Variants in AGPS observed in about 807,000 individuals in gnomAD.
AGPS encodes the protein alkyldihydroxyacetonephosphate synthase, peroxisomal.
A neutral mutation model predicts 90.7 loss-of-function variants in AGPS; 26 were observed. That is an observed-to-expected ratio of 0.29 (90% CI 0.21 to 0.40). The LOEUF is 0.40. Among genes scored for constraint, AGPS ranks in the 10% least tolerant of loss-of-function variants. The pLI, the probability that AGPS is intolerant of heterozygous loss-of-function variation, is 1.00. For missense variants in AGPS, 540 were observed against 816.1 expected (o/e 0.66, Z 4.12); for synonymous variants, 294 against 285.3 (o/e 1.03, Z -0.31).
At chr2:177,454,006 A>ATTTTTTTTTTTT in intron 8 of AGPS, among the ~76,000 whole-genome samples, 1 of 67,826 alleles carries the variant, frequency 1.5e-5, no homozygotes, top group Non-Finnish European at 4.1e-5. Flanking sequence ...TACTTTTAAG[A>ATTTTTTTTTTTT]TTTTCTTGTT....
At chr2:177,397,003 A>G (rs1188490087) in intron 1 of AGPS, among the ~76,000 whole-genome samples, 4 of 144,692 alleles carry the variant, frequency 2.8e-5, no homozygotes, top group Non-Finnish European at 6.0e-5. Flanking sequence ...AAGTGGCGCG[A>G]TCTCAGCTCA....
intron 1 of AGPS, among the ~76,000 whole-genome samples, chr2:177,420,052 T>C (rs930251496): frequency 1.1e-4 from 16 of 152,008 alleles, no homozygotes; most frequent in African/African-American, 3.4e-4. Context: ...TTATTGGTTG[T>C]AGCCCTCTGT....
chr2:177,430,208 C>G (rs1275279212), intron 2 of AGPS, among the ~76,000 whole-genome samples: 2 of 152,230 alleles, frequency 1.3e-5, no homozygotes, highest in Non-Finnish European at 2.9e-5. Flanking sequence ...CTTCAGGGAA[C>G]TCATCCATCT....
At chr2:177,461,107 G>A (rs528975069) in intron 8 of AGPS, among the ~76,000 whole-genome samples, 9 of 152,278 alleles carry the variant, frequency 5.9e-5, no homozygotes, top group Admixed American at 4.6e-4. Context: ...ACAGATTGAT[G>A]GGCTTGAGTG....
intron 1 of AGPS, chr2:177,393,643 G>T: frequency 1.1e-6 from 1 of 896,440 alleles, no homozygotes; most frequent in Non-Finnish European, 1.3e-6. Flanking sequence ...TTAAGGTGTG[G>T]TGGTATAGCT....
intron 10 of AGPS, among the ~76,000 whole-genome samples, chr2:177,475,473 C>A (rs1010294010): frequency 2.6e-5 from 4 of 152,200 alleles, no homozygotes; most frequent in African/African-American, 9.7e-5. Context: ...CCCCAGCAAT[C>A]CTGCCCCAAG....
chr2:177,503,676 A>T (rs551678535), intron 14 of AGPS, among the ~76,000 whole-genome samples: 2 of 152,178 alleles, frequency 1.3e-5, no homozygotes, highest in Non-Finnish European at 2.9e-5. Context: ...ATTCTTTAAT[A>T]TATTGTATTT....
At chr2:177,484,978 GGCTGGTCTTGAACTCCTGGACTCAA>G (rs1282117855) in intron 11 of AGPS, among the ~76,000 whole-genome samples, 1 of 152,030 alleles carries the variant, frequency 6.6e-6, no homozygotes, top group Non-Finnish European at 1.5e-5. Flanking sequence ...GTGTTCCCCA[GGCTGGTCTTGAACTCCTGGACTCAA>G]GCGATCCTCC....
intron 19 of AGPS, among the ~76,000 whole-genome samples, chr2:177,528,849 C>CTTTTTTTTTTTTTT (rs71008000): frequency 1.3e-5 from 1 of 79,142 alleles, no homozygotes; most frequent in African/African-American, 5.0e-5. Flanking sequence ...CATATTAATC[C>CTTTTTTTTTTTTTT]TTTTTTTTTT....
chr2:177,454,658 C>A (rs1358527622), intron 8 of AGPS, among the ~76,000 whole-genome samples: 1 of 150,356 alleles, frequency 6.7e-6, no homozygotes, highest in Non-Finnish European at 1.5e-5. Flanking sequence ...TAGATGGTAG[C>A]CATTGTGAAT....
chr2:177,527,592 A>G (rs984383957), intron 19 of AGPS, among the ~76,000 whole-genome samples: 2 of 151,804 alleles, frequency 1.3e-5, no homozygotes, highest in Non-Finnish European at 2.9e-5. Context: ...GGTTGCTTTT[A>G]TACTTCCTGA....
rs1293202957 is a variant in AGPS at position 177,505,457 on chromosome 2, A to C, written c.1476-49A>C. On this transcript the variant is annotated intron_variant, in intron 14 of 19. Transcript: ENST00000264167. ...ACAGCTTTTTGATACATTTATGATA[A>C]ATGAGATTAAGATAAAAAATTTATT... The C allele has an allele frequency of 4.7e-6, 7 of 1,488,326 alleles. No individual in the cohort carries two copies. In the African/African-American group the frequency reaches 8.3e-5, roughly 18 times the overall value. The allele number at this position is 1,488,326 out of a possible 1,614,324, so 92.2% of individuals were successfully genotyped here.
At chr2:177,462,458 CT>C (rs1212581512) in intron 9 of AGPS, among the ~76,000 whole-genome samples, 1 of 151,164 alleles carries the variant, frequency 6.6e-6, no homozygotes, top group Non-Finnish European at 1.5e-5. Context: ...AAATAAACTC[CT>C]TTTGACTATA....
chr2:177,450,975 T>TATACATATATATATATATATATATATATA (rs1434749270), intron 8 of AGPS, among the ~76,000 whole-genome samples: 1 of 136,570 alleles, frequency 7.3e-6, no homozygotes, highest in African/African-American at 3.6e-5. Context: ...TATATATATA[T>TATACATATATATATATATATATATATATA]TTTAGAGACA....
chr2:177,442,504 ATATATTTAAAACATTTTCTT>A lies in AGPS; in HGVS notation c.789+22_789+41del. 1 of 1,562,482 alleles carries A rather than the reference ATATATTTAAAACATTTTCTT, an allele frequency of 6.4e-7. No individual in the cohort carries two copies. Among genetic ancestry groups the A allele is most frequent in the Non-Finnish European group, 8.8e-7 (1 of 1,133,702 alleles). ...CACAAATGGTATTTAATAATTTGAG[ATATATTTAAAACATTTTCTT>A]TATTGGCTCCACCTTAATTGTCATT... On this transcript the variant is annotated intron_variant, in intron 7 of 19. Transcript: ENST00000264167.
At chr2:177,485,023 C>T (rs1688054643) in intron 11 of AGPS, among the ~76,000 whole-genome samples, 1 of 152,160 alleles carries the variant, frequency 6.6e-6, no homozygotes, top group Admixed American at 6.5e-5. Flanking sequence ...CAGTTTAGGC[C>T]TCCCAAAGTG....
chr2:177,524,764 G>C (rs2079065962), intron 19 of AGPS, among the ~76,000 whole-genome samples: 2 of 151,992 alleles, frequency 1.3e-5, no homozygotes, highest in Non-Finnish European at 2.9e-5. Flanking sequence ...AGTTTTGTTT[G>C]TTGCTATATG....
chr2:177,518,965 G>A (rs1052186915), intron 17 of AGPS, among the ~76,000 whole-genome samples: 3 of 152,038 alleles, frequency 2.0e-5, no homozygotes, highest in Non-Finnish European at 4.4e-5. Context: ...TGAGGCCTAG[G>A]GAGAAAGAAA....
At chr2:177,514,874 A>G (rs1258999627) in intron 17 of AGPS, among the ~76,000 whole-genome samples, 1 of 152,032 alleles carries the variant, frequency 6.6e-6, no homozygotes, top group Non-Finnish European at 1.5e-5. Flanking sequence ...ATCTCCTTAA[A>G]GTAGCCGTTT....
Sources: allele counts gnomAD v4.1 joint callset (sites outside exome capture counted in the v4.1 genomes callset), GRCh38; gene constraint gnomAD v4.1.1; transcripts MANE v1.5; gene names NCBI Gene and HGNC (gene_info 2026-07-23, HGNC 2026-07-21).